ZNF544: variants seen among roughly 807,000 people sequenced by gnomAD.
ZNF544 encodes zinc finger protein 544.
Under a neutral mutation model 13.5 loss-of-function variants are expected in ZNF544, and 10 were observed. The observed-to-expected ratio is 0.74, with a 90% CI of 0.46 to 1.25. ZNF544 has a LOEUF of 1.25. ZNF544 is among the 50% of genes most tolerant of loss of function. ZNF544 has a pLI of 0.00. For synonymous variants in ZNF544, 323 were observed against 300.5 expected, an observed-to-expected ratio of 1.07 and a Z score of -0.77; for missense variants, 896 against 845.6, an observed-to-expected ratio of 1.06 and a Z score of -0.74.
intron 6 of ZNF544, 25 bp downstream of exon 6, chr19:58,246,819 A>C (rs772987118): frequency 1.2e-6 from 2 of 1,608,640 alleles, no homozygotes; most frequent in Non-Finnish European, 1.7e-6. Context: ...TGTGGTGAGC[A>C]GCTCAACGTT....
At chr19:58,243,139 G>T (rs980979494) in intron 3 of ZNF544, among the ~76,000 whole-genome samples, 1 of 152,168 alleles carries the variant, frequency 6.6e-6, no homozygotes, top group South Asian at 2.1e-4. Context: ...TGGGGTCAGA[G>T]TTCAAGGCTC....
At chr19:58,268,874 G>C (rs1479628842), downstream of ZNF544, among the ~76,000 whole-genome samples, 1 of 152,136 alleles carries the variant, frequency 6.6e-6, no homozygotes, top group Non-Finnish European at 1.5e-5. Flanking sequence ...CATAGGATAG[G>C]GCCTAACAAA....
At chr19:58,277,436 G>C (rs886287431) in exon 7 of ZNF544, 7 of 405,474 alleles carry the variant, frequency 1.7e-5, no homozygotes, top group Non-Finnish European at 2.6e-5. Flanking sequence ...CAAATAACAA[G>C]TAACTATACT....
At chr19:58,256,413 G>A (rs1420676364) in intron 6 of ZNF544, among the ~76,000 whole-genome samples, 2 of 152,036 alleles carry the variant, frequency 1.3e-5, no homozygotes, top group Admixed American at 6.6e-5. Flanking sequence ...TCTCGGCCTC[G>A]AGGAAGGGGC....
rs66778347 is a variant in ZNF544 at position 58,269,610 on chromosome 19, CAAA to C, written c.245-6694_245-6692del. 5.9e-3 allele frequency among the ~76,000 whole-genome samples: 608 copies of C among 102,476 alleles called. 7 individuals are homozygous for C. Among genetic ancestry groups the C allele is most frequent in the East Asian group, 0.034 (120 of 3,532 alleles). 67.2% of individuals were successfully genotyped at this position (102,476 alleles called of 152,430 possible). A position where few individuals can be genotyped will look rare whatever the true frequency, so the allele number is the denominator to read the frequency against. On this transcript the variant is annotated intron_variant, in intron 5 of 6. Transcript: ENST00000595981. ...TGGGCGACAAAGCGAGACTCTGTCTCAAAAAAAAAAAAAAAAAAAAAGATGGCA... is the reference window on the plus strand; with the variant it reads ...TGGGCGACAAAGCGAGACTCTGTCTCAAAAAAAAAAAAAAAAAAGATGGCA...
intron 5 of ZNF544, 30 bp from the exon 6 acceptor site, chr19:58,246,681 G>C (rs770177449): frequency 1.2e-6 from 2 of 1,611,620 alleles, no homozygotes; most frequent in Admixed American, 1.7e-5. Context: ...TCCAAGCAGA[G>C]GGGCAAGTCC....
At chr19:58,246,946 C>T (rs2045355602) in intron 6 of ZNF544, 152 bp downstream of exon 6, 1 of 616,678 alleles carries the variant, frequency 1.6e-6, no homozygotes, top group African/African-American at 1.8e-5. Context: ...AAGGAGTTCA[C>T]CAATTCGAAG....
chr19:58,254,234 A>AT (rs1289497484), intron 6 of ZNF544, among the ~76,000 whole-genome samples: 2 of 152,042 alleles, frequency 1.3e-5, no homozygotes, highest in Admixed American at 6.6e-5. Context: ...AAAAAAAAAA[A>AT]GGAACAGCAG....
At chr19:58,234,142 G>A (rs562707566) in intron 3 of ZNF544, among the ~76,000 whole-genome samples, 3 of 152,060 alleles carry the variant, frequency 2.0e-5, no homozygotes, top group African/African-American at 4.8e-5. Flanking sequence ...ATCTACATAA[G>A]CCCAGCAATG....
chr19:58,241,162 A>AAT (rs374852336), intron 3 of ZNF544, among the ~76,000 whole-genome samples: 1,936 of 89,294 alleles, frequency 0.022, 127 homozygotes, highest in Non-Finnish European at 0.027. Flanking sequence ...TATATATTTA[A>AAT]ATATATATAT....
intron 5 of ZNF544, among the ~76,000 whole-genome samples, chr19:58,275,884 T>A (rs1262983898): frequency 6.6e-6 from 1 of 150,494 alleles, no homozygotes; most frequent in Non-Finnish European, 1.5e-5. Flanking sequence ...AGTGACTGGC[T>A]CCAAAATGAA....
chr19:58,271,859 T>G (rs954322388), intron 5 of ZNF544, among the ~76,000 whole-genome samples: 1 of 151,990 alleles, frequency 6.6e-6, no homozygotes, highest in Non-Finnish European at 1.5e-5. Context: ...ATCTGACAAT[T>G]TAAAAAATCA....
rs937881059 is a variant in ZNF544 at position 58,244,038 on chromosome 19, T to C, written c.15T>C (p.Ser5=). The change falls in exon 4 of 7, where the codon TCT becomes TCC. Residue 5 remains serine, a synonymous_variant. Coordinates refer to ENST00000687789, the MANE Select transcript of ZNF544 (RefSeq NM_014480.4). ...GCAGGGAGGAAATGGAAGCACGTTC[T>C]ATGCTGGTTCCACCCCAGGTGAGTG... MEAR[S]MLVPPQASVC... The C allele has an allele frequency of 7.5e-6, 12 of 1,608,304 alleles. No individual in the cohort carries two copies. Among genetic ancestry groups the C allele is most frequent in the African/African-American group, 2.7e-5 (2 of 74,816 alleles).
At chr19:58,232,681 G>A (rs1467905769) in intron 3 of ZNF544, among the ~76,000 whole-genome samples, 2 of 149,554 alleles carry the variant, frequency 1.3e-5, no homozygotes, top group Admixed American at 1.3e-4. Context: ...TGTAATCCCA[G>A]CACTTTGGGA....
At chr19:58,269,395 A>AAGG in intron 5 of ZNF544, among the ~76,000 whole-genome samples, 1 of 151,532 alleles carries the variant, frequency 6.6e-6, no homozygotes, top group Non-Finnish European at 1.5e-5. Context: ...AGATTGTGCC[A>AAGG]CTGCACTCCA....
chr19:58,251,246 C>A (rs2046251803), intron 6 of ZNF544: 1 of 510,678 alleles, frequency 2.0e-6, no homozygotes, highest in Non-Finnish European at 3.9e-6. Context: ...AGTAACTAAG[C>A]AACAAAGACA....
At chr19:58,232,987 G>A (rs2041661916) in intron 3 of ZNF544, among the ~76,000 whole-genome samples, 2 of 151,458 alleles carry the variant, frequency 1.3e-5, no homozygotes, top group South Asian at 2.1e-4. Context: ...CCAAGACTGG[G>A]TAATTTATAA....
intron 3 of ZNF544, among the ~76,000 whole-genome samples, chr19:58,230,722 G>A (rs1180341749): frequency 6.6e-6 from 1 of 152,200 alleles, no homozygotes; most frequent in African/African-American, 2.4e-5. Context: ...GCAAGATGAG[G>A]AGGGGGAAAC....
chr19:58,269,331 AG>A (rs1452209431), intron 5 of ZNF544, among the ~76,000 whole-genome samples: 1 of 152,160 alleles, frequency 6.6e-6, no homozygotes, highest in Non-Finnish European at 1.5e-5. Flanking sequence ...GCTATTCAGG[AG>A]GCTGAGGCAG....
Sources: allele counts gnomAD v4.1 joint callset (sites outside exome capture counted in the v4.1 genomes callset), GRCh38; gene constraint gnomAD v4.1.1; transcripts MANE v1.5; gene names NCBI Gene and HGNC (gene_info 2026-07-23, HGNC 2026-07-21).